Variants in JPH3 observed in about 807,000 individuals in gnomAD.
JPH3 encodes junctophilin-3.
JPH3 carries 11 observed loss-of-function variants against 59.6 expected under a neutral mutation model. The observed-to-expected ratio is 0.18, with a 90% CI of 0.12 to 0.31. The LOEUF (loss-of-function observed/expected upper bound fraction) is 0.31, where lower values mean the gene tolerates loss of function less well. JPH3 is among the 10% of genes least tolerant of loss of function. The probability of loss-of-function intolerance (pLI) is 1.00; values close to 1 mark genes in which losing one functional copy is unlikely to be tolerated. For synonymous variants in JPH3, 673 were observed against 483.6 expected (o/e 1.39, Z -5.14); for missense variants, 1,202 against 1,105.7 (o/e 1.09, Z -1.24).
chr16:87,668,444 C>G (rs1384023657), intron 2 of JPH3, among the ~76,000 whole-genome samples: 1 of 152,182 alleles, frequency 6.6e-6, no homozygotes, highest in East Asian at 1.9e-4. Flanking sequence ...TGAGTCAGTT[C>G]CCTTCACTGA....
At chr16:87,677,576 G>A (rs2033183836) in intron 2 of JPH3, among the ~76,000 whole-genome samples, 1 of 152,120 alleles carries the variant, frequency 6.6e-6, no homozygotes, top group African/African-American at 2.4e-5. Context: ...GGAAACTGAG[G>A]CCCAGAGATT....
At chr16:87,693,442 G>A (rs1315275390) in intron 4 of JPH3, 1 of 152,284 alleles carries the variant, frequency 6.6e-6, no homozygotes, top group Non-Finnish European at 1.5e-5. Context: ...GAGAGGCCGA[G>A]GCAGGTGGAT....
chr16:87,629,963 T>G (rs2031512100), intron 1 of JPH3, among the ~76,000 whole-genome samples: 1 of 152,210 alleles, frequency 6.6e-6, no homozygotes, highest in Non-Finnish European at 1.5e-5. Flanking sequence ...TCTCTAAAGC[T>G]AAAACTGCTC....
rs1177634678 is a variant in JPH3, at chr16:87,602,556, C to A, written c.-591C>A. On this transcript the variant is annotated 5_prime_UTR_variant, in exon 1 of 5. Transcript: ENST00000284262. ...CGCACGCCGCCGCCGCCACCGCCGC[C>A]GCCGCCGCCCGAGCCGCCGCATTGC... Among the ~76,000 whole-genome samples, 1 of 140,722 alleles carries A rather than the reference C, an allele frequency of 7.1e-6. No homozygotes were observed. The highest frequency in any genetic ancestry group is 2.5e-5 in the African/African-American group (1 of 39,320). The allele number at this position is 140,722 out of a possible 152,430, so 92.3% of individuals were successfully genotyped here.
chr16:87,682,894 T>G (rs2033329709), intron 2 of JPH3, among the ~76,000 whole-genome samples: 1 of 152,216 alleles, frequency 6.6e-6, no homozygotes, highest in Non-Finnish European at 1.5e-5. Context: ...GCTGCTGAGA[T>G]GCACAGAGCC....
At chr16:87,646,636 C>T (rs1367051183) in intron 2 of JPH3, among the ~76,000 whole-genome samples, 4 of 152,162 alleles carry the variant, frequency 2.6e-5, no homozygotes, top group Non-Finnish European at 4.4e-5. Context: ...AATTTCTTTC[C>T]TCTGTGTTTT....
At position 87,684,434 on chromosome 16, in the gene JPH3, C is replaced by A. The variant is rs957088840; in HGVS notation, c.1285+168C>A. On this transcript the variant is annotated intron_variant, in intron 3 of 4. Transcript: ENST00000284262. ...CTCCCGCCGAAGGTGCTTGTTTGTG[C>A]CAAGGCCTGGCCTGGCTCCCCGGGA... 1.4e-5 allele frequency: 16 copies of A among 1,149,492 alleles called. No individual in the cohort carries two copies. In the African/African-American group the frequency reaches 2.3e-4, roughly 17 times the overall value. The allele number at this position is 1,149,492 out of a possible 1,614,324, so 71.2% of individuals were successfully genotyped here.
intron 2 of JPH3, 151 bp downstream of exon 2, chr16:87,645,186 C>G (rs1430558577): frequency 9.9e-6 from 8 of 805,804 alleles, no homozygotes; most frequent in Non-Finnish European, 1.5e-5. Context: ...CCATGGAACC[C>G]TAGGGTTCCC....
At chr16:87,666,279 G>T (rs567391122) in intron 2 of JPH3, among the ~76,000 whole-genome samples, 1 of 151,906 alleles carries the variant, frequency 6.6e-6, no homozygotes, top group African/African-American at 2.4e-5. Context: ...AGTAGAGACA[G>T]GGTTTCATCA....
At chr16:87,691,164 G>A (rs1035484217) in intron 4 of JPH3, among the ~76,000 whole-genome samples, 4 of 151,842 alleles carry the variant, frequency 2.6e-5, no homozygotes, top group Admixed American at 6.6e-5. Context: ...GACTCGGCGC[G>A]AGGCTGGGGG....
At chr16:87,643,400 T>C (rs2032021745) in intron 1 of JPH3, among the ~76,000 whole-genome samples, 1 of 142,472 alleles carries the variant, frequency 7.0e-6, no homozygotes, top group African/African-American at 2.6e-5. Context: ...CTTCTGGGGA[T>C]ATCAGGTCTG....
intron 1 of JPH3, among the ~76,000 whole-genome samples, chr16:87,636,531 G>T (rs1439939993): frequency 6.6e-6 from 1 of 152,226 alleles, no homozygotes; most frequent in Admixed American, 6.5e-5. Context: ...GCTCCCGTCT[G>T]GGGGAAGCCC....
In JPH3 at chr16:87,645,116, C is replaced by T. The variant is rs564932097; in HGVS notation, c.1160+81C>T. On this transcript the variant is annotated intron_variant, in intron 2 of 4. Transcript: ENST00000284262. ...CCCAGTCTGTTCAGTCCTGCTGTCGCTCAAGGCCTTGGGCTAGGCCCAGTT... is the reference window on the plus strand; with the variant it reads ...CCCAGTCTGTTCAGTCCTGCTGTCGTTCAAGGCCTTGGGCTAGGCCCAGTT... The T allele has an allele frequency of 3.0e-5, 43 of 1,423,976 alleles. No homozygotes were observed. The East Asian group carries it at 9.1e-4, about 30-fold the overall frequency. 88.2% of individuals were successfully genotyped at this position (1,423,976 alleles called of 1,614,324 possible).
At chr16:87,666,722 C>T (rs901799466) in intron 2 of JPH3, among the ~76,000 whole-genome samples, 4 of 152,154 alleles carry the variant, frequency 2.6e-5, no homozygotes, top group African/African-American at 4.8e-5. Flanking sequence ...GGATGAGCCA[C>T]GGTGCATGGC....
At position 87,650,901 on chromosome 16, in the gene JPH3, T is replaced by C. The variant is rs113828134; in HGVS notation, c.1160+5866T>C. On this transcript the variant is annotated intron_variant, in intron 2 of 4. Transcript: ENST00000284262. Reference sequence around the variant, plus strand: ...CAGAAGATCTGGCTAAGATTGTTGATGAAGGTGGCTACACTAAACAGATTT... The same window carrying C: ...CAGAAGATCTGGCTAAGATTGTTGACGAAGGTGGCTACACTAAACAGATTT... Among the ~76,000 whole-genome samples the C allele has an allele frequency of 7.9e-3, 1,196 of 152,340 alleles. 17 individuals are homozygous for C. The highest frequency in any genetic ancestry group is 0.028 in the African/African-American group (1,151 of 41,582).
At chr16:87,696,409 G>A (rs376518599) in intron 4 of JPH3, 171 bp from the exon 5 acceptor site, 12 of 617,168 alleles carry the variant, frequency 1.9e-5, no homozygotes, top group East Asian at 8.2e-5. Flanking sequence ...TGGACTTCAC[G>A]GAGCTCAGGT....
intron 1 of JPH3, among the ~76,000 whole-genome samples, chr16:87,638,404 G>T (rs1401500737): frequency 6.6e-6 from 1 of 152,174 alleles, no homozygotes; most frequent in Non-Finnish European, 1.5e-5. Context: ...CAGGGTGGGG[G>T]TGCTGTTCAT....
intron 1 of JPH3, among the ~76,000 whole-genome samples, chr16:87,632,457 A>G (rs968314288): frequency 1.3e-5 from 2 of 152,120 alleles, no homozygotes; most frequent in African/African-American, 4.8e-5. Flanking sequence ...GGTTTGTCCT[A>G]ACTTTAAGAG....
chr16:87,625,459 C>T (rs953198051), intron 1 of JPH3, among the ~76,000 whole-genome samples: 6 of 152,198 alleles, frequency 3.9e-5, no homozygotes, highest in African/African-American at 1.2e-4. Flanking sequence ...AGGTCTGAAC[C>T]CTGCCCTTGG....
Sources: gnomAD v4.1 joint callset for allele counts (sites outside exome capture counted in the v4.1 genomes callset) on GRCh38, gnomAD v4.1.1 for gene constraint, MANE v1.5 for transcripts, NCBI Gene and HGNC (gene_info 2026-07-23, HGNC 2026-07-21) for gene names.